Variants in AK2 observed in about 807,000 individuals in gnomAD.
AK2 encodes adenylate kinase 2, mitochondrial.
A neutral mutation model predicts 24.6 loss-of-function variants in AK2; 15 were observed. That is an observed-to-expected ratio of 0.61 (90% CI 0.41 to 0.94). The LOEUF is 0.94. Ranked by LOEUF, AK2 falls within the 40% of genes least tolerant of loss-of-function variation. The pLI, the probability that AK2 is intolerant of heterozygous loss-of-function variation, is 0.00. For synonymous variants in AK2, 102 were observed against 114.0 expected, an observed-to-expected ratio of 0.90 and a Z score of 0.67; for missense variants, 257 against 304.1, an observed-to-expected ratio of 0.85 and a Z score of 1.15.
At chr1:33,024,969 G>A (rs1157785245) in intron 1 of AK2, among the ~76,000 whole-genome samples, 5 of 152,022 alleles carry the variant, frequency 3.3e-5, no homozygotes, top group African/African-American at 1.2e-4. Flanking sequence ...GGCGGATCAC[G>A]AGGTCAGAAG....
intron 1 of AK2, among the ~76,000 whole-genome samples, chr1:33,030,007 A>AT (rs1640138775): frequency 6.6e-6 from 1 of 152,204 alleles, no homozygotes. Context: ...GGAAGAGTCC[A>AT]AATATCTTAG....
Position 33,012,998 on chromosome 1 carries a change from AC to A in AK2, c.*182del, listed in dbSNP as rs750874795. On this transcript the variant is annotated 3_prime_UTR_variant, in exon 6 of 6. Coordinates refer to ENST00000672715, the MANE Select transcript of AK2 (RefSeq NM_001625.4). The stretch of plus-strand genomic sequence containing the variant: ...CATATGTGCATGCACACACACACAC[AC>A]ACAACACACATACACACAGATGAGA... 1.2e-5 allele frequency: 19 copies of A among 1,591,236 alleles called. No individual in the cohort carries two copies. Among genetic ancestry groups the A allele is most frequent in the Admixed American group, 1.7e-5 (1 of 59,692 alleles).
intron 1 of AK2, among the ~76,000 whole-genome samples, chr1:33,028,058 C>T (rs979240365): frequency 4.6e-5 from 7 of 152,176 alleles, no homozygotes; most frequent in African/African-American, 1.4e-4. Flanking sequence ...AAATAAAAGG[C>T]TTCCTTCCAT....
rs1181018555 is a variant in AK2 at position 33,012,878 on chromosome 1, G to A, written c.*303C>T. ...ACGCCACTGCACTCCAGCCAGGGTGGCAGAGCGAAACCTTGTCTCAAAACA... is the reference window on the plus strand; with the variant it reads ...ACGCCACTGCACTCCAGCCAGGGTGACAGAGCGAAACCTTGTCTCAAAACA... On this transcript the variant is annotated 3_prime_UTR_variant, in exon 6 of 6. Transcript: ENST00000672715. The A allele has an allele frequency of 7.5e-7, 1 of 1,328,400 alleles. No homozygotes were observed. The highest frequency in any genetic ancestry group is 2.2e-5 in the Admixed American group (1 of 44,688). 82.3% of individuals were successfully genotyped at this position (1,328,400 alleles called of 1,614,324 possible). A position where few individuals can be genotyped will look rare whatever the true frequency, so the allele number is the denominator to read the frequency against.
At chr1:33,020,075 A>G in intron 4 of AK2, 1 of 1,535,226 alleles carries the variant, frequency 6.5e-7, no homozygotes. Flanking sequence ...TGATTAGTGA[A>G]ACAGGGTAGA....
chr1:33,027,971 T>A (rs1004855662), intron 1 of AK2, among the ~76,000 whole-genome samples: 1 of 152,168 alleles, frequency 6.6e-6, no homozygotes, highest in African/African-American at 2.4e-5. Context: ...ATGGGGATAA[T>A]GACTACTTCA....
In AK2 at chr1:33,008,022, T is replaced by C. The variant is rs1364323776; in HGVS notation, c.*5159A>G. ...AGAATTTAATATGTTAGACTATTAT[T>C]AATTATGAAAACACATAAAGAATTC... On this transcript the variant is annotated 3_prime_UTR_variant, in exon 6 of 6. Transcript: ENST00000672715. The C allele has an allele frequency of 2.2e-6, 1 of 453,982 alleles. No homozygotes were observed. The highest frequency in any genetic ancestry group is 2.0e-5 in the African/African-American group (1 of 49,992). 28.1% of individuals were successfully genotyped at this position (453,982 alleles called of 1,614,324 possible).
Position 33,019,803 on chromosome 1 carries a change from T to C in AK2, c.425+1564A>G, listed in dbSNP as rs545127653. On this transcript the variant is annotated intron_variant, in intron 4 of 5. Coordinates refer to ENST00000672715, the MANE Select transcript of AK2 (RefSeq NM_001625.4). Reference sequence around the variant, plus strand: ...GATGGCCATAGTATCATTTTAACAGTGGCTAACTGGAAGAAACATAAATGT... The same window carrying C: ...GATGGCCATAGTATCATTTTAACAGCGGCTAACTGGAAGAAACATAAATGT... The C allele has an allele frequency of 6.0e-5, 67 of 1,114,898 alleles. No individual in the cohort carries two copies. In the South Asian group the frequency reaches 1.9e-3, roughly 31 times the overall value. The allele number at this position is 1,114,898 out of a possible 1,614,324, so 69.1% of individuals were successfully genotyped here. A position where few individuals can be genotyped will look rare whatever the true frequency, so the allele number is the denominator to read the frequency against.
intron 4 of AK2, among the ~76,000 whole-genome samples, chr1:33,017,263 G>A (rs75221737): frequency 0.026 from 3,982 of 152,260 alleles, 72 homozygotes; most frequent in Non-Finnish European, 0.041. Flanking sequence ...CATGGATATG[G>A]AAGGCCAACT....
intron 4 of AK2, chr1:33,020,059 T>C (rs1455829211): frequency 2.0e-6 from 3 of 1,534,844 alleles, no homozygotes; most frequent in African/African-American, 2.7e-5. Flanking sequence ...ACAAAGCAGA[T>C]GGCAGTGATT....
chr1:33,031,779 G>A, intron 1 of AK2: 1 of 425,950 alleles, frequency 2.3e-6, no homozygotes. Context: ...CGAAGAATTG[G>A]GCATAAGTTT....
chr1:33,031,898 A>T (rs1266544213), intron 1 of AK2: 2 of 263,544 alleles, frequency 7.6e-6, no homozygotes, highest in Non-Finnish European at 1.6e-5. Context: ...AAGGAAATAA[A>T]GTTATTTAAA....
At chr1:33,014,376 T>C in intron 5 of AK2, 146 bp downstream of exon 5, 1 of 677,282 alleles carries the variant, frequency 1.5e-6, no homozygotes, top group South Asian at 1.4e-5. Flanking sequence ...ACAGGCCATG[T>C]GATTTACTTG....
chr1:33,030,301 C>A (rs977366420), intron 1 of AK2, among the ~76,000 whole-genome samples: 1 of 152,246 alleles, frequency 6.6e-6, no homozygotes, highest in Non-Finnish European at 1.5e-5. Context: ...GAAGCAGTGG[C>A]TCACATCTGT....
In AK2 at chr1:33,011,497, T is replaced by G; in HGVS notation, c.*1684A>C. The G allele has an allele frequency of 7.8e-7, 1 of 1,287,420 alleles. No individual in the cohort carries two copies. The highest frequency in any genetic ancestry group is 3.3e-4 in the Middle Eastern group (1 of 3,066). The allele number at this position is 1,287,420 out of a possible 1,614,324, so 79.7% of individuals were successfully genotyped here. ...AGGTGGCCAGGTACTCATGCCCAGTTGCCATGTGGACAGCAGATAAGACCT... is the reference window on the plus strand; with the variant it reads ...AGGTGGCCAGGTACTCATGCCCAGTGGCCATGTGGACAGCAGATAAGACCT... On this transcript the variant is annotated 3_prime_UTR_variant, in exon 6 of 6. Transcript: ENST00000672715.
intron 5 of AK2, 67 bp downstream of exon 5, chr1:33,014,455 G>C: frequency 7.8e-7 from 1 of 1,288,994 alleles, no homozygotes; most frequent in African/African-American, 1.5e-5. Flanking sequence ...AAGAATAAAG[G>C]AAAAAGAAAA....
In AK2 at chr1:33,009,655, G is replaced by A; in HGVS notation, c.*3526C>T. ...ACAGGAGCACAGTGAATAACTAACT[G>A]GCTGGGATTTGTCCTAGGTCCCCTG... On this transcript the variant is annotated 3_prime_UTR_variant, in exon 6 of 6. Coordinates refer to ENST00000672715, the MANE Select transcript of AK2 (RefSeq NM_001625.4). 2.2e-6 allele frequency: 1 copy of A among 453,612 alleles called. No homozygotes were observed. The highest frequency in any genetic ancestry group is 4.4e-6 in the Non-Finnish European group (1 of 226,770). The allele number at this position is 453,612 out of a possible 1,614,324, so 28.1% of individuals were successfully genotyped here.
At chr1:33,023,488 G>A (rs747440702) in intron 2 of AK2, among the ~76,000 whole-genome samples, 5 of 152,098 alleles carry the variant, frequency 3.3e-5, no homozygotes, top group African/African-American at 4.8e-5. Context: ...TCATCAGGCC[G>A]AAGTGGGAGG....
At position 33,009,597 on chromosome 1, in the gene AK2, T is replaced by C. The variant is rs901872880; in HGVS notation, c.*3584A>G. ...TTTAATGCCATTAAGGCCAAGAAGG[T>C]GGCATAACCAACTTCCTTTTTCAGC... On this transcript the variant is annotated 3_prime_UTR_variant, in exon 6 of 6. Coordinates refer to ENST00000672715, the MANE Select transcript of AK2 (RefSeq NM_001625.4). 1 of 454,024 alleles carries C rather than the reference T, an allele frequency of 2.2e-6. No homozygotes were observed. The highest frequency in any genetic ancestry group is 4.4e-6 in the Non-Finnish European group (1 of 226,796). 28.1% of individuals were successfully genotyped at this position (454,024 alleles called of 1,614,324 possible). A position where few individuals can be genotyped will look rare whatever the true frequency, so the allele number is the denominator to read the frequency against.
Sources: allele counts gnomAD v4.1 joint callset (sites outside exome capture counted in the v4.1 genomes callset), GRCh38; gene constraint gnomAD v4.1.1; transcripts MANE v1.5; gene names NCBI Gene and HGNC (gene_info 2026-07-23, HGNC 2026-07-21).